The following AGO3 variants were observed in gnomAD, a reference collection of about 807,000 sequenced individuals.
AGO3 encodes protein argonaute-3.
A neutral mutation model predicts 105.5 loss-of-function variants in AGO3; 16 were observed. The ratio of observed to expected loss-of-function variants is 0.15; its 90% confidence interval spans 0.10 to 0.23. AGO3 has a LOEUF of 0.23. Ranked by LOEUF, AGO3 falls within the 10% of genes least tolerant of loss-of-function variation. The probability of loss-of-function intolerance (pLI) is 1.00; values close to 1 mark genes in which losing one functional copy is unlikely to be tolerated. For missense variants in AGO3, 534 were observed against 1,088.0 expected (o/e 0.49, Z 7.16); for synonymous variants, 340 against 367.3 (o/e 0.93, Z 0.85).
chr1:36,002,228 C>T (rs1028211554), intron 5 of AGO3, among the ~76,000 whole-genome samples: 5 of 151,774 alleles, frequency 3.3e-5, no homozygotes, highest in African/African-American at 1.2e-4. Context: ...ACCATGTTGG[C>T]CAGGCTGATC....
Position 36,055,275 on chromosome 1 carries a change from AGG to A in AGO3, c.2474+131_2474+132del. The A allele has an allele frequency of 1.0e-6, 1 of 960,216 alleles. No homozygotes were observed. The highest frequency in any genetic ancestry group is 1.5e-6 in the Non-Finnish European group (1 of 647,376). 59.5% of individuals were successfully genotyped at this position (960,216 alleles called of 1,614,324 possible). Reference sequence around the variant, plus strand: ...AAATGATGACAGAACTGACTGCCCAAGGTTTCCTATTGAAATATATTGTCTAG... The same window carrying A: ...AAATGATGACAGAACTGACTGCCCAATTTCCTATTGAAATATATTGTCTAG... On this transcript the variant is annotated intron_variant, in intron 18 of 18. Transcript: ENST00000373191. This position sits in a 1 kb window ranked among gnomAD's most constrained non-coding sequence, Gnocchi z 4.4.
At chr1:36,002,324 ATTTTT>A (rs375411955) in intron 5 of AGO3, among the ~76,000 whole-genome samples, 1 of 119,224 alleles carries the variant, frequency 8.4e-6, no homozygotes, top group Non-Finnish European at 1.7e-5. Flanking sequence ...AGCCAAGATA[ATTTTT>A]TTTTTTTTTT....
chr1:35,991,776 C>G lies in AGO3; in HGVS notation c.659-12565C>G, dbSNP rs1647686902. Among the ~76,000 whole-genome samples the G allele has an allele frequency of 2.6e-5, 4 of 152,142 alleles. No individual in the cohort carries two copies. In the South Asian group the frequency reaches 8.3e-4, roughly 32 times the overall value. On this transcript the variant is annotated intron_variant, in intron 5 of 18. Transcript: ENST00000373191. Reference sequence around the variant, plus strand: ...GCATGCTATTCTTGTTTCACAGATGCAGTATCCTCTCTTAGCTCTCTGAGC... The same window carrying G: ...GCATGCTATTCTTGTTTCACAGATGGAGTATCCTCTCTTAGCTCTCTGAGC...
intron 2 of AGO3, among the ~76,000 whole-genome samples, chr1:35,961,648 A>C (rs1176880358): frequency 1.3e-5 from 2 of 152,220 alleles, no homozygotes. Flanking sequence ...ATTTCCTATC[A>C]GGATTGCCTC....
intron 1 of AGO3, among the ~76,000 whole-genome samples, chr1:35,944,331 CAAGA>C (rs964748409): frequency 4.6e-5 from 7 of 151,874 alleles, no homozygotes; most frequent in Non-Finnish European, 7.4e-5. Flanking sequence ...ATTACAGGCA[CAAGA>C]TGCTGTGCCT....
chr1:36,018,140 A>G (rs567397001), intron 11 of AGO3, among the ~76,000 whole-genome samples: 6 of 151,310 alleles, frequency 4.0e-5, no homozygotes, highest in African/African-American at 1.5e-4. Flanking sequence ...CGCCCAACTA[A>G]TTTTTTGTAT....
intron 2 of AGO3, among the ~76,000 whole-genome samples, chr1:35,960,857 A>T (rs991190992): frequency 1.3e-5 from 2 of 152,122 alleles, no homozygotes; most frequent in Admixed American, 1.3e-4. Context: ...GTCAAATGTA[A>T]GTGTAATTAT....
Position 36,008,592 on chromosome 1 carries a change from G to T in AGO3, c.794-98G>T. The T allele has an allele frequency of 8.7e-7, 1 of 1,144,116 alleles. No individual in the cohort carries two copies. The highest frequency in any genetic ancestry group is 1.3e-6 in the Non-Finnish European group (1 of 799,244). 70.9% of individuals were successfully genotyped at this position (1,144,116 alleles called of 1,614,324 possible). ...GCCTGTATCACAGAATTTTTTGTCT[G>T]TTCAGAATTGAGTTTTTATGGTAAT... On this transcript the variant is annotated intron_variant, in intron 6 of 18. Coordinates refer to ENST00000373191, the MANE Select transcript of AGO3 (RefSeq NM_024852.4). This position sits in a 1 kb window ranked among gnomAD's most constrained non-coding sequence, Gnocchi z 5.1.
In AGO3 at chr1:35,972,116, A is replaced by G. The variant is rs759309370; in HGVS notation, c.405A>G (p.Leu135=). The G allele has an allele frequency of 6.2e-7, 1 of 1,614,134 alleles. No individual in the cohort carries two copies. Among genetic ancestry groups the G allele is most frequent in the South Asian group, 1.1e-5 (1 of 91,080 alleles). ...IKFVSRVSWH[L]LHEVLTGRTL... ...TTGTCTCTCGGGTGAGTTGGCACCT[A>G]CTGCATGAAGTACTGACAGGACGGA... The change falls in exon 4 of 19, where the codon CTA becomes CTG. Residue 135 remains leucine (L), a synonymous_variant. Transcript: ENST00000373191.
intron 1 of AGO3, among the ~76,000 whole-genome samples, chr1:35,938,739 A>G (rs1007565236): frequency 6.6e-6 from 1 of 152,216 alleles, no homozygotes; most frequent in Non-Finnish European, 1.5e-5. Context: ...AAGTAGAATT[A>G]TTGAAACAGT....
chr1:36,023,363 A>G (rs1029541402), intron 11 of AGO3, among the ~76,000 whole-genome samples: 10 of 152,212 alleles, frequency 6.6e-5, no homozygotes, highest in Non-Finnish European at 2.9e-5. Context: ...CACTTCTGAC[A>G]CCATCTGTTA....
intron 2 of AGO3, among the ~76,000 whole-genome samples, chr1:35,947,165 A>G (rs1481834022): frequency 6.6e-6 from 1 of 152,142 alleles, no homozygotes; most frequent in Non-Finnish European, 1.5e-5. Flanking sequence ...ATAACGGTTG[A>G]GAAGAACCAG....
chr1:35,982,972 A>G (rs1376289151), intron 5 of AGO3: 4 of 220,992 alleles, frequency 1.8e-5, no homozygotes, highest in Admixed American at 5.7e-5. Context: ...AGTTTATGCA[A>G]TTGTAGGGGC....
In AGO3 at chr1:36,068,644, T is replaced by G. The variant is rs528701729; in HGVS notation, c.*12899T>G. On this transcript the variant is annotated 3_prime_UTR_variant, in exon 19 of 19. Transcript: ENST00000373191. The stretch of plus-strand genomic sequence containing the variant: ...CTCTGATTTAAACTTTAAAATGTTA[T>G]GACTTTTATTCTGATACATGGCTTC... The G allele has an allele frequency of 6.6e-6, 1 of 152,270 alleles. No individual in the cohort carries two copies. The highest frequency in any genetic ancestry group is 1.5e-5 in the Non-Finnish European group (1 of 68,046). The allele number at this position is 152,270 out of a possible 1,614,324, so 9.4% of individuals were successfully genotyped here.
Position 36,059,587 on chromosome 1 carries a change from G to A in AGO3, c.*3842G>A, listed in dbSNP as rs1643000983. 2 of 150,654 alleles carry A rather than the reference G, an allele frequency of 1.3e-5. No individual in the cohort carries two copies. The highest frequency in any genetic ancestry group is 3.0e-5 in the Non-Finnish European group (2 of 67,780). The allele number at this position is 150,654 out of a possible 1,614,324, so 9.3% of individuals were successfully genotyped here. On this transcript the variant is annotated 3_prime_UTR_variant, in exon 19 of 19. Coordinates refer to ENST00000373191, the MANE Select transcript of AGO3 (RefSeq NM_024852.4). ...TTGATTTTCATATGAAGAAGAGTTG[G>A]GAGTTTAATGTATATTCTTGATGGT... is the stretch of plus-strand genomic sequence containing the variant.
chr1:35,960,946 A>AT (rs1646663443), intron 2 of AGO3, among the ~76,000 whole-genome samples: 2 of 129,998 alleles, frequency 1.5e-5, no homozygotes, highest in Non-Finnish European at 3.4e-5. Context: ...TTTTTTTTTT[A>AT]TTTTTATTTT....
intron 11 of AGO3, among the ~76,000 whole-genome samples, chr1:36,026,338 C>T (rs1641502515): frequency 6.6e-6 from 1 of 151,930 alleles, no homozygotes; most frequent in Non-Finnish European, 1.5e-5. Context: ...GAACTCCTGA[C>T]CTCAAGTGAT....
chr1:36,009,691 T>C, intron 9 of AGO3, 97 bp downstream of exon 9: 1 of 1,199,036 alleles, frequency 8.3e-7, no homozygotes, highest in East Asian at 2.5e-5. Flanking sequence ...CTTATGACCA[T>C]TTCATGGACT....
At chr1:35,936,567 TC>T (rs1055458829) in intron 1 of AGO3, among the ~76,000 whole-genome samples, 2 of 152,062 alleles carry the variant, frequency 1.3e-5, no homozygotes, top group African/African-American at 2.4e-5. Flanking sequence ...GGTAGTCCAC[TC>T]ACCTCGGCCT....
Sources: allele counts gnomAD v4.1 joint callset (sites outside exome capture counted in the v4.1 genomes callset), GRCh38; gene constraint gnomAD v4.1.1; non-coding constraint Gnocchi (gnomAD v3.1); transcripts MANE v1.5; gene names NCBI Gene and HGNC (gene_info 2026-07-23, HGNC 2026-07-21).